Variants in CDH15 observed in about 807,000 individuals in gnomAD.
CDH15 encodes the protein cadherin-15.
CDH15 carries 73 observed loss-of-function variants against 69.4 expected under a neutral mutation model. The ratio of observed to expected loss-of-function variants is 1.05; its 90% CI spans 0.87 to 1.28. The LOEUF (loss-of-function observed/expected upper bound fraction) is 1.28. CDH15 is among the 50% of genes most tolerant of loss of function. The pLI, the probability that CDH15 is intolerant of heterozygous loss-of-function variation, is 0.00. For missense variants in CDH15, 1,343 were observed against 1,133.6 expected (o/e 1.18, Z -2.65); for synonymous variants, 624 against 507.7 (o/e 1.23, Z -3.08).
chr16:89,185,250 C>G lies in CDH15; in HGVS notation c.580C>G (p.Leu194Val). 6.2e-7 allele frequency: 1 copy of G among 1,606,220 alleles called. No homozygotes were observed. The highest frequency in any genetic ancestry group is 8.5e-7 in the Non-Finnish European group (1 of 1,176,690). ...CAACGCAGCGCTGCGGTTCTCCATC[C>G]TGCAGCAGGGCAGCCCCGAGCTCTT... ...TDNAALRFSI[L>V]QQGSPELFSI... Residue 194 changes from leucine (L) to valine (V), a missense_variant, in exon 5 of 14, where the codon CTG becomes GTG. Transcript: ENST00000289746.
chr16:89,191,910 C>A lies in CDH15; in HGVS notation c.1615+16C>A, dbSNP rs758356745. ...CAGGTCAACGGTGCGCTCCCCTCACCGCCGCGCTCCCCCCATCCCCACGCT... is the reference window on the plus strand; with the variant it reads ...CAGGTCAACGGTGCGCTCCCCTCACAGCCGCGCTCCCCCCATCCCCACGCT... On this transcript the variant is annotated intron_variant, in intron 10 of 13. Transcript: ENST00000289746. 6.5e-7 allele frequency: 1 copy of A among 1,536,602 alleles called. No individual in the cohort carries two copies. Among genetic ancestry groups the A allele is most frequent in the East Asian group, 2.4e-5 (1 of 41,286 alleles).
intron 13 of CDH15, among the ~76,000 whole-genome samples, chr16:89,194,230 G>A (rs948644139): frequency 1.3e-5 from 2 of 152,176 alleles, no homozygotes; most frequent in Non-Finnish European, 2.9e-5. Context: ...CCTGGGCTTC[G>A]GTGGCTGTCA....
intron 11 of CDH15, among the ~76,000 whole-genome samples, chr16:89,192,941 C>T (rs551815438): frequency 1.5e-5 from 2 of 132,146 alleles, no homozygotes; most frequent in Admixed American, 1.5e-4. Flanking sequence ...CTCCCCAGTT[C>T]CACCTCCTCC....
intron 1 of CDH15, among the ~76,000 whole-genome samples, chr16:89,172,596 G>T (rs1427139891): frequency 6.6e-6 from 1 of 152,168 alleles, no homozygotes; most frequent in African/African-American, 2.4e-5. Flanking sequence ...TGGACTGCTG[G>T]CACCGTGGTC....
At chr16:89,192,147 G>C in intron 10 of CDH15, 58 bp from the exon 11 acceptor site, 1 of 1,478,444 alleles carries the variant, frequency 6.8e-7, no homozygotes, top group Admixed American at 2.3e-5. Context: ...CGCGAGGAGG[G>C]CAGGCGAAGT....
chr16:89,179,252 G>A (rs745537150), intron 1 of CDH15, among the ~76,000 whole-genome samples, 164 bp from the exon 2 acceptor site: 9 of 152,344 alleles, frequency 5.9e-5, no homozygotes, highest in South Asian at 2.1e-4. Context: ...CTTGTGCTAC[G>A]CAGCCCCGTG....
intron 5 of CDH15, among the ~76,000 whole-genome samples, chr16:89,186,509 T>C (rs1380302536): frequency 3.3e-3 from 257 of 77,374 alleles, no homozygotes; most frequent in South Asian, 5.8e-3. Context: ...TGTAAACGCT[T>C]ACCCAGCGCA....
intron 10 of CDH15, 54 bp downstream of exon 10, chr16:89,191,948 A>C (rs2151604299): frequency 1.3e-5 from 18 of 1,428,072 alleles, no homozygotes; most frequent in Non-Finnish European, 1.6e-5. Context: ...CCCCACCCCC[A>C]CATTCCGGCC....
chr16:89,191,172 TG>T (rs1915631253), intron 8 of CDH15, among the ~76,000 whole-genome samples, 157 bp from the exon 9 acceptor site: 4 of 151,836 alleles, frequency 2.6e-5, no homozygotes, highest in Non-Finnish European at 5.9e-5. Flanking sequence ...CATGTAAGGC[TG>T]TGTGTGCGTG....
intron 1 of CDH15, among the ~76,000 whole-genome samples, chr16:89,178,951 C>T (rs948127382): frequency 3.9e-5 from 6 of 152,218 alleles, no homozygotes; most frequent in Non-Finnish European, 8.8e-5. Context: ...CTCTCCCCAG[C>T]CCTGGCTGGC....
rs899052690 is a variant in CDH15 at position 89,191,722 on chromosome 16, T to G, written c.1443T>G (p.Pro481=). ...TCCTGGAGGTGAACGACCATGCACCTGTGCTGGCCCCGCCGCCGCCGGGCA... is the reference window on the plus strand; with the variant it reads ...TCCTGGAGGTGAACGACCATGCACCGGTGCTGGCCCCGCCGCCGCCGGGCA... ...IEILEVNDHA[P]VLAPPPPGSL... The change falls in exon 10 of 14, where the codon CCT becomes CCG. Residue 481 remains proline (P), a synonymous_variant. Coordinates refer to ENST00000289746, the MANE Select transcript of CDH15 (RefSeq NM_004933.3). 1 of 1,603,204 alleles carries G rather than the reference T, an allele frequency of 6.2e-7. No homozygotes were observed. The highest frequency in any genetic ancestry group is 8.5e-7 in the Non-Finnish European group (1 of 1,178,792).
At chr16:89,174,785 T>C (rs982326378) in intron 1 of CDH15, among the ~76,000 whole-genome samples, 1 of 151,954 alleles carries the variant, frequency 6.6e-6, no homozygotes, top group Non-Finnish European at 1.5e-5. Flanking sequence ...CTGGCTTGGG[T>C]GGGGGACAGA....
intron 11 of CDH15, 65 bp downstream of exon 11, chr16:89,192,509 C>A: frequency 2.0e-6 from 3 of 1,536,952 alleles, no homozygotes; most frequent in East Asian, 2.4e-5. Context: ...CAGGCCGTCC[C>A]CTGCTAACCA....
intron 1 of CDH15, among the ~76,000 whole-genome samples, chr16:89,176,532 C>T (rs573200497): frequency 2.0e-5 from 3 of 152,284 alleles, no homozygotes; most frequent in Admixed American, 6.5e-5. Context: ...AGGGCCGACT[C>T]GGTGCTCCCT....
rs1231596177 is a variant in CDH15 at position 89,191,887 on chromosome 16, G to A, written c.1608G>A (p.Gln536=). The A allele has an allele frequency of 1.3e-6, 2 of 1,573,752 alleles. No homozygotes were observed. Among genetic ancestry groups the A allele is most frequent in the Admixed American group, 3.6e-5 (2 of 55,720 alleles). Residue 536 remains glutamine, a synonymous_variant, in exon 10 of 14, where the codon CAG becomes CAA. Coordinates refer to ENST00000289746, the MANE Select transcript of CDH15 (RefSeq NM_004933.3). ...TCGGCCGGAACTGGAGCCTCAGCCA[G>A]GTCAACGGTGCGCTCCCCTCACCGC... ...PELGRNWSLS[Q]VNVSHARLRP... is the part of the protein sequence containing the mutation.
rs920592672 is a variant in CDH15, at chr16:89,179,364, C to T, written c.43-52C>T. ...CCCACAGCTCCCAGCTGCACGCTGCCGCCCAGGGCTCCAGGAGACGGTACT... is the reference window on the plus strand; with the variant it reads ...CCCACAGCTCCCAGCTGCACGCTGCTGCCCAGGGCTCCAGGAGACGGTACT... On this transcript the variant is annotated intron_variant, in intron 1 of 13. Coordinates refer to ENST00000289746, the MANE Select transcript of CDH15 (RefSeq NM_004933.3). The T allele has an allele frequency of 1.3e-4, 205 of 1,606,880 alleles. No individual in the cohort carries two copies. The Middle Eastern group carries it at 2.0e-3, about 16-fold the overall frequency.
chr16:89,191,729 G>C lies in CDH15; in HGVS notation c.1450G>C (p.Ala484Pro), dbSNP rs1469409362. Residue 484 changes from alanine (A) to proline (P), a missense_variant, in exon 10 of 14, where the codon GCC (alanine) becomes CCC (proline). Physicochemically the swap from Ala to Pro is conservative, Grantham distance 27. Transcript: ENST00000289746. ...GGTGAACGACCATGCACCTGTGCTGGCCCCGCCGCCGCCGGGCAGCCTGTG... is the reference window on the plus strand; with the variant it reads ...GGTGAACGACCATGCACCTGTGCTGCCCCCGCCGCCGCCGGGCAGCCTGTG... ...LEVNDHAPVL[A>P]PPPPGSLCSE... 6.2e-7 allele frequency: 1 copy of C among 1,603,222 alleles called. No individual in the cohort carries two copies. The highest frequency in any genetic ancestry group is 1.7e-5 in the Admixed American group (1 of 59,740).
chr16:89,181,585 C>T (rs1032967196), intron 3 of CDH15, among the ~76,000 whole-genome samples: 5 of 151,750 alleles, frequency 3.3e-5, no homozygotes, highest in South Asian at 2.1e-4. Flanking sequence ...TGCCGTGCGC[C>T]GTGATTGCGC....
chr16:89,182,081 G>C (rs1350289318), intron 3 of CDH15, among the ~76,000 whole-genome samples: 12 of 129,652 alleles, frequency 9.3e-5, no homozygotes, highest in East Asian at 4.4e-4. Flanking sequence ...TCAGGCGCCT[G>C]CCCTCCCCCA....
Sources: gnomAD v4.1 joint callset for allele counts (sites outside exome capture counted in the v4.1 genomes callset) on GRCh38, gnomAD v4.1.1 for gene constraint, MANE v1.5 for transcripts, NCBI Gene and HGNC (gene_info 2026-07-23, HGNC 2026-07-21) for gene names.